AMZ1: variants seen among roughly 807,000 people sequenced by gnomAD.
The protein encoded by AMZ1 is archaemetzincin-1.
Under a neutral mutation model 29.9 loss-of-function variants are expected in AMZ1, and 39 were observed. That is an observed-to-expected ratio of 1.30 (90% CI 1.01 to 1.70). The LOEUF (loss-of-function observed/expected upper bound fraction) is 1.70. Ranked by LOEUF, AMZ1 falls within the 40% of genes most tolerant of loss-of-function variation. The probability of loss-of-function intolerance (pLI) is 0.00; values close to 1 mark genes in which losing one functional copy is unlikely to be tolerated. For missense variants in AMZ1, 1,041 were observed against 680.6 expected, an observed-to-expected ratio of 1.53 and a Z score of -5.89; for synonymous variants, 458 against 304.0, an observed-to-expected ratio of 1.51 and a Z score of -5.27.
chr7:2,752,701 A>C (rs1022603439), intron 4 of AMZ1, among the ~76,000 whole-genome samples: 2 of 152,240 alleles, frequency 1.3e-5, no homozygotes, highest in African/African-American at 4.8e-5. Flanking sequence ...TTCCGTTTTT[A>C]ATAGTACTAA....
chr7:2,700,307 G>C lies in AMZ1; in HGVS notation c.-145G>C, dbSNP rs1307094010. ...GCAGAGCTGGGCCTTAAGGGCCCTT[G>C]GACCAGTGTCTGTCTGCAGGGAGCC... On this transcript the variant is annotated 5_prime_UTR_variant, in exon 2 of 7. Transcript: ENST00000683327. The C allele has an allele frequency of 8.6e-6, 8 of 929,526 alleles. No homozygotes were observed. In the East Asian group the frequency reaches 1.1e-4, roughly 12 times the overall value. 57.6% of individuals were successfully genotyped at this position (929,526 alleles called of 1,614,324 possible).
intron 1 of AMZ1, among the ~76,000 whole-genome samples, chr7:2,694,886 T>C (rs1327964223): frequency 6.6e-6 from 1 of 152,152 alleles, no homozygotes; most frequent in Non-Finnish European, 1.5e-5. Flanking sequence ...TTGGCCAGGC[T>C]GGTCTCGAAC....
intron 1 of AMZ1, among the ~76,000 whole-genome samples, chr7:2,690,356 C>T (rs921942377): frequency 1.3e-5 from 2 of 152,202 alleles, no homozygotes; most frequent in African/African-American, 2.4e-5. Flanking sequence ...GTAGCTGGGA[C>T]CACAGGCATG....
Position 2,688,220 on chromosome 7 carries a change from C to T in AMZ1, c.-295C>T, listed in dbSNP as rs1787165453. The T allele has an allele frequency of 6.6e-6, 1 of 152,142 alleles. No individual in the cohort carries two copies. Among genetic ancestry groups the T allele is most frequent in the South Asian group, 2.1e-4 (1 of 4,836 alleles). The allele number at this position is 152,142 out of a possible 1,614,324, so 9.4% of individuals were successfully genotyped here. A position where few individuals can be genotyped will look rare whatever the true frequency, so the allele number is the denominator to read the frequency against. ...ACCTCCCGATCCTCCCGGCCCAGGC[C>T]GAGCTGCCCACGCTGCTGCCCGGGG... On this transcript the variant is annotated 5_prime_UTR_variant, in exon 1 of 7. Coordinates refer to ENST00000683327, the MANE Select transcript of AMZ1 (RefSeq NM_001384743.1).
In AMZ1 at chr7:2,700,410, C is replaced by G. The variant is rs1378025317; in HGVS notation, c.-42C>G. The stretch of plus-strand genomic sequence containing the variant: ...CGTCCCCCGGGTGGCCCATGGACAG[C>G]AGCAGGGGCTCCCAGGAGTGGCCAG... On this transcript the variant is annotated 5_prime_UTR_variant, in exon 2 of 7. Coordinates refer to ENST00000683327, the MANE Select transcript of AMZ1 (RefSeq NM_001384743.1). 1 of 1,573,254 alleles carries G rather than the reference C, an allele frequency of 6.4e-7. No homozygotes were observed. The highest frequency in any genetic ancestry group is 1.3e-5 in the African/African-American group (1 of 74,512).
chr7:2,739,025 T>C (rs1036951933), intron 4 of AMZ1, among the ~76,000 whole-genome samples: 5 of 152,186 alleles, frequency 3.3e-5, no homozygotes, highest in African/African-American at 1.2e-4. Context: ...CACAGGGTCC[T>C]TGGCCGTGGA....
upstream of AMZ1, among the ~76,000 whole-genome samples, chr7:2,687,976 C>A (rs1345228759): frequency 6.6e-6 from 1 of 152,086 alleles, no homozygotes; most frequent in African/African-American, 2.4e-5. Context: ...GGCTGACTGA[C>A]CTCCCTCACC....
In AMZ1 at chr7:2,712,446, G is replaced by A. The variant is rs200135799; in HGVS notation, c.1065G>A (p.Glu355=). 1.0e-4 allele frequency: 168 copies of A among 1,611,598 alleles called. No individual in the cohort carries two copies. Among genetic ancestry groups the A allele is most frequent in the Admixed American group, 2.2e-4 (13 of 59,978 alleles). The change falls in exon 7 of 7, where the codon GAG becomes GAA. Residue 355 remains glutamate, a synonymous_variant. Transcript: ENST00000683327. ...PASADSGMCC[E]SDSEPGTSVS... is the part of the protein sequence containing the mutation. ...GCGCCGACTCGGGCATGTGCTGTGAGAGTGACTCGGAGCCCGGCACCAGTG... is the reference window on the plus strand; with the variant it reads ...GCGCCGACTCGGGCATGTGCTGTGAAAGTGACTCGGAGCCCGGCACCAGTG...
At chr7:2,711,813 G>A (rs1465849701) in intron 6 of AMZ1, among the ~76,000 whole-genome samples, 1 of 152,200 alleles carries the variant, frequency 6.6e-6, no homozygotes, top group Non-Finnish European at 1.5e-5. Flanking sequence ...GGAGGCGGAG[G>A]TGGGTGGGTC....
At chr7:2,710,499 C>G (rs748518917) in intron 6 of AMZ1, among the ~76,000 whole-genome samples, 2 of 152,202 alleles carry the variant, frequency 1.3e-5, no homozygotes, top group African/African-American at 4.8e-5. Flanking sequence ...TCCTCCCGCC[C>G]GTTGAGGCAA....
chr7:2,717,003 G>T lies in AMZ1; in HGVS notation c.*4125G>T, dbSNP rs1012718404. On this transcript the variant is annotated 3_prime_UTR_variant, in exon 7 of 7. Coordinates refer to ENST00000683327, the MANE Select transcript of AMZ1 (RefSeq NM_001384743.1). Reference sequence around the variant, plus strand: ...AAGCAAGCTGGAGCGGTCTGAGCAGGAAGAGAGTAAGAAGGCGCACGGACG... The same window carrying T: ...AAGCAAGCTGGAGCGGTCTGAGCAGTAAGAGAGTAAGAAGGCGCACGGACG... Among the ~76,000 whole-genome samples, 2 of 152,208 alleles carry T rather than the reference G, an allele frequency of 1.3e-5. No homozygotes were observed. Among genetic ancestry groups the T allele is most frequent in the African/African-American group, 4.8e-5 (2 of 41,464 alleles).
rs1161421297 is a variant in AMZ1, at chr7:2,714,122, T to C, written c.*1244T>C. 1 of 151,946 alleles carries C rather than the reference T, an allele frequency of 6.6e-6. No individual in the cohort carries two copies. The highest frequency in any genetic ancestry group is 1.5e-5 in the Non-Finnish European group (1 of 68,016). 9.4% of individuals were successfully genotyped at this position (151,946 alleles called of 1,614,324 possible). On this transcript the variant is annotated 3_prime_UTR_variant, in exon 7 of 7. Transcript: ENST00000683327. ...TACCCCCTCAGCCTGTGGTGGAGGGTCTCTGGGAGAGAGACTTCCGGTTCT... is the reference window on the plus strand; with the variant it reads ...TACCCCCTCAGCCTGTGGTGGAGGGCCTCTGGGAGAGAGACTTCCGGTTCT...
intron 4 of AMZ1, among the ~76,000 whole-genome samples, chr7:2,757,129 CTTTTTTTTTT>C (rs71026549): frequency 1.1e-5 from 1 of 94,004 alleles, no homozygotes; most frequent in Non-Finnish European, 2.0e-5. Flanking sequence ...TCAGGTGGGC[CTTTTTTTTTT>C]TTTTTTTTTT....
chr7:2,690,556 GGGC>G (rs1562356390), intron 1 of AMZ1, among the ~76,000 whole-genome samples: 1 of 152,104 alleles, frequency 6.6e-6, no homozygotes, highest in African/African-American at 2.4e-5. Flanking sequence ...ACTCCTTCCC[GGGC>G]GGCTCAGGTT....
At chr7:2,710,369 A>G (rs1203451166) in intron 6 of AMZ1, among the ~76,000 whole-genome samples, 2 of 152,226 alleles carry the variant, frequency 1.3e-5, no homozygotes, top group African/African-American at 4.8e-5. Context: ...TCTGAGTGCA[A>G]AGGCAGGTGG....
chr7:2,682,628 C>T (rs1389292382), intron 1 of AMZ1, among the ~76,000 whole-genome samples: 1 of 152,120 alleles, frequency 6.6e-6, no homozygotes, highest in Non-Finnish European at 1.5e-5. Flanking sequence ...CCTTCCTGGA[C>T]GTCACCTACT....
At chr7:2,730,556 A>C (rs1789836213) in intron 4 of AMZ1, 1 of 152,418 alleles carries the variant, frequency 6.6e-6, no homozygotes, top group African/African-American at 2.4e-5. Context: ...GCTTCATCTG[A>C]GAGGCTTGGA....
chr7:2,696,934 C>G (rs1787782379), intron 1 of AMZ1, among the ~76,000 whole-genome samples: 1 of 152,062 alleles, frequency 6.6e-6, no homozygotes, highest in South Asian at 2.1e-4. Flanking sequence ...GGATTGTAAA[C>G]TGGTGTGATC....
chr7:2,731,546 G>A lies in AMZ1; in HGVS notation n.550+21730G>A. ...CGGTTGGTGCGCCTGTCCTCCATGA[G>A]GACCTGGTCGTACTCGCTGGAGGAG... On this transcript the variant is annotated intron_variant and non_coding_transcript_variant, in intron 4 of 4. Coordinates refer to the AMZ1 transcript ENST00000489665. The surrounding 1 kb of genome is among the most constrained non-coding windows in gnomAD (Gnocchi z 6.0). The A allele has an allele frequency of 6.2e-7, 1 of 1,611,194 alleles. No homozygotes were observed.
Sources: allele counts gnomAD v4.1 joint callset (sites outside exome capture counted in the v4.1 genomes callset), GRCh38; gene constraint gnomAD v4.1.1; non-coding constraint Gnocchi (gnomAD v3.1); transcripts MANE v1.5; gene names NCBI Gene and HGNC (gene_info 2026-07-23, HGNC 2026-07-21).